HDX: variants seen among roughly 807,000 people sequenced by gnomAD.
HDX encodes chromosome X open reading frame 43.
In HDX, 19 loss-of-function variants were observed where a neutral mutation model predicts 45.2. That is an observed-to-expected ratio of 0.42 (90% CI 0.29 to 0.62). The LOEUF (loss-of-function observed/expected upper bound fraction) is 0.62. HDX is among the 20% of genes least tolerant of loss of function. The pLI is 0.20. For synonymous variants in HDX, 188 were observed against 172.8 expected, an observed-to-expected ratio of 1.09 and a Z score of -0.69; for missense variants, 532 against 493.9, an observed-to-expected ratio of 1.08 and a Z score of -0.73.
chrX:84,382,273 G>T (rs2038208029), intron 5 of HDX, among the ~76,000 whole-genome samples: 1 of 111,586 alleles, frequency 9.0e-6, no homozygotes, highest in Non-Finnish European at 1.9e-5. Flanking sequence ...CAAACACTAT[G>T]GAGAACAGTT....
intron 6 of HDX, 24 bp downstream of exon 6, chrX:84,361,442 T>C (rs761316460): frequency 1.7e-6 from 2 of 1,191,972 alleles, no homozygotes; most frequent in African/African-American, 3.5e-5. Context: ...AACTATAGCA[T>C]GAAAATTATA....
Position 84,415,928 on chromosome X carries a change from GT to G in HDX, c.1305+24603del, listed in dbSNP as rs1318561961. Among the ~76,000 whole-genome samples, 4 of 112,149 alleles carry G rather than the reference GT, an allele frequency of 3.6e-5. No homozygotes were observed. The Admixed American group carries it at 3.8e-4, about 11-fold the overall frequency. ...CACTGTTGTCCAAAGCTGATTTGAT[GT>G]TCATAACTAGGCCACAATATTATTA... On this transcript the variant is annotated intron_variant, in intron 5 of 10. Coordinates refer to ENST00000373177, the MANE Select transcript of HDX (RefSeq NM_001177479.2).
intron 5 of HDX, among the ~76,000 whole-genome samples, chrX:84,403,292 G>A (rs537689770): frequency 9.0e-6 from 1 of 111,126 alleles, no homozygotes; most frequent in East Asian, 2.8e-4. Flanking sequence ...AAGGTTAAAT[G>A]AAATGTCTTT....
intron 5 of HDX, among the ~76,000 whole-genome samples, chrX:84,417,546 T>C (rs1456891409): frequency 8.9e-6 from 1 of 112,238 alleles, no homozygotes; most frequent in Admixed American, 9.4e-5. Flanking sequence ...GTGCACTCCC[T>C]GAAGGGATGG....
chrX:84,457,907 T>C (rs990841071), intron 4 of HDX, among the ~76,000 whole-genome samples: 2 of 112,043 alleles, frequency 1.8e-5, no homozygotes, highest in Admixed American at 1.9e-4. Context: ...TAGCTTCAAT[T>C]CTATCCAGTG....
rs529084529 is a variant in HDX at position 84,466,355 on chromosome X, C to T, written c.1251+2117G>A. On this transcript the variant is annotated intron_variant, in intron 4 of 10. Transcript: ENST00000373177. Reference sequence around the variant, plus strand: ...AGTAGGAATTAGTGCCCACATTATACGAATAAAGAGACTGTTACACAAAGA... The same window carrying T: ...AGTAGGAATTAGTGCCCACATTATATGAATAAAGAGACTGTTACACAAAGA... 9.9e-5 allele frequency among the ~76,000 whole-genome samples: 11 copies of T among 111,177 alleles called. No homozygotes were observed. In the South Asian group the frequency reaches 3.4e-3, roughly 34 times the overall value.
intron 1 of HDX, among the ~76,000 whole-genome samples, chrX:84,492,272 A>AT (rs1001625798): frequency 4.6e-5 from 5 of 109,816 alleles, no homozygotes; most frequent in Non-Finnish European, 3.8e-5. Context: ...ATTATTTTCT[A>AT]TTTTTTTCTG....
chrX:84,468,604 C>T lies in HDX; in HGVS notation c.1119G>A (p.Leu373=). 2 of 1,206,501 alleles carry T rather than the reference C, an allele frequency of 1.7e-6. No homozygotes were observed. The highest frequency in any genetic ancestry group is 4.6e-4 in the Middle Eastern group (2 of 4,342). Reference sequence around the variant, plus strand: ...CTGTATGTAATGAGGTCCGTGGTGTCAAATGGTAGTTTCTGTTTTGATACA... The same window carrying T: ...CTGTATGTAATGAGGTCCGTGGTGTTAAATGGTAGTTTCTGTTTTGATACA... ...NVLYQNRNYH[L]TPRTSLHTAS... The change falls in exon 4 of 11, where the codon TTG becomes TTA. Residue 373 remains leucine, a synonymous_variant. Transcript: ENST00000373177.
Position 84,338,403 on chromosome X carries a change from T to C in HDX, c.1661-1523A>G, listed in dbSNP as rs1030202645. Among the ~76,000 whole-genome samples the C allele has an allele frequency of 3.6e-5, 4 of 110,858 alleles. No homozygotes were observed. In the Admixed American group the frequency reaches 3.9e-4, roughly 11 times the overall value. ...CACACACACATATATAAATTGTTTC[T>C]ATAATGAAACAAATTAACATATCCA... On this transcript the variant is annotated intron_variant, in intron 7 of 10. Transcript: ENST00000373177.
intron 6 of HDX, among the ~76,000 whole-genome samples, chrX:84,358,887 C>T (rs2037550804): frequency 9.0e-6 from 1 of 110,632 alleles, no homozygotes; most frequent in Non-Finnish European, 1.9e-5. Flanking sequence ...AATATACTTC[C>T]CTCTTGATCT....
chrX:84,346,730 A>C (rs1455114097), intron 6 of HDX, among the ~76,000 whole-genome samples: 2 of 111,996 alleles, frequency 1.8e-5, no homozygotes, highest in Non-Finnish European at 3.8e-5. Context: ...TTATACAAAA[A>C]TGAACTCAAA....
intron 7 of HDX, among the ~76,000 whole-genome samples, chrX:84,340,581 A>G (rs775519189): frequency 2.3e-3 from 253 of 111,432 alleles, no homozygotes; most frequent in African/African-American, 7.9e-3. Flanking sequence ...TGGTTAGCAT[A>G]TTTTAAAGGC....
At chrX:84,493,337 A>G in intron 1 of HDX, among the ~76,000 whole-genome samples, 1 of 111,939 alleles carries the variant, frequency 8.9e-6, no homozygotes, top group East Asian at 2.8e-4. Flanking sequence ...AGGTGAAAAT[A>G]GAAACAAAAG....
At chrX:84,470,201 C>A (rs1282309861) in intron 3 of HDX, among the ~76,000 whole-genome samples, 1 of 111,226 alleles carries the variant, frequency 9.0e-6, no homozygotes, top group Non-Finnish European at 1.9e-5. Context: ...CTTTGTACTG[C>A]TGCTCTATTA....
chrX:84,364,638 G>T (rs980232198), intron 5 of HDX, among the ~76,000 whole-genome samples: 29 of 107,086 alleles, frequency 2.7e-4, no homozygotes, highest in African/African-American at 8.9e-4. Flanking sequence ...GAGTAGCCAG[G>T]ACTACAGGCG....
At chrX:84,362,642 G>A (rs2037650047) in intron 5 of HDX, among the ~76,000 whole-genome samples, 3 of 110,695 alleles carry the variant, frequency 2.7e-5, no homozygotes, top group Admixed American at 2.0e-4. Context: ...TTCCTGGCTT[G>A]AGGTATGGGG....
chrX:84,345,138 A>T (rs190298973), intron 6 of HDX, among the ~76,000 whole-genome samples: 12 of 111,523 alleles, frequency 1.1e-4, no homozygotes, highest in African/African-American at 3.6e-4. Context: ...TTTGTAATGA[A>T]ATCATTTTAG....
At chrX:84,438,662 GCATTAGGT>G (rs1453585746) in intron 5 of HDX, among the ~76,000 whole-genome samples, 2 of 110,300 alleles carry the variant, frequency 1.8e-5, no homozygotes, top group Admixed American at 9.7e-5. Flanking sequence ...TTCTGTTCTG[GCATTAGGT>G]CATTTAGGAA....
chrX:84,421,916 A>T (rs1251420735), intron 5 of HDX, among the ~76,000 whole-genome samples: 1 of 110,978 alleles, frequency 9.0e-6, no homozygotes, highest in East Asian at 2.8e-4. Flanking sequence ...TAAAGCAAAT[A>T]TTACAGCTAA....
Sources: allele counts gnomAD v4.1 joint callset (sites outside exome capture counted in the v4.1 genomes callset), GRCh38; gene constraint gnomAD v4.1.1; transcripts MANE v1.5; gene names NCBI Gene and HGNC (gene_info 2026-07-23, HGNC 2026-07-21).